SIMC1: variants seen among roughly 807,000 people sequenced by gnomAD.
SIMC1 encodes the protein SUMO-interacting motif-containing protein 1.
Under a neutral mutation model 82.3 loss-of-function variants are expected in SIMC1, and 55 were observed. The ratio of observed to expected loss-of-function variants is 0.67; its 90% CI spans 0.54 to 0.84. The LOEUF (loss-of-function observed/expected upper bound fraction) is 0.84. SIMC1 is among the 40% of genes least tolerant of loss of function. The pLI, the probability that SIMC1 is intolerant of heterozygous loss-of-function variation, is 0.00. For synonymous variants in SIMC1, 353 were observed against 426.3 expected, an observed-to-expected ratio of 0.83 and a Z score of 2.12; for missense variants, 915 against 1,107.2, an observed-to-expected ratio of 0.83 and a Z score of 2.46.
intron 1 of SIMC1, chr5:176,263,540 GA>G: frequency 1.4e-6 from 2 of 1,423,580 alleles, no homozygotes; most frequent in Non-Finnish European, 1.9e-6. Context: ...AGAGAAAAAA[GA>G]ACATTCATAT....
chr5:176,255,871 A>G (rs1193803379), intron 1 of SIMC1, among the ~76,000 whole-genome samples: 1 of 152,032 alleles, frequency 6.6e-6, no homozygotes, highest in African/African-American at 2.4e-5. Context: ...AGCTGGAGAA[A>G]AAAAGTTACA....
At chr5:176,306,725 AAGAGTC>A (rs571901562) in intron 4 of SIMC1, among the ~76,000 whole-genome samples, 109 of 151,652 alleles carry the variant, frequency 7.2e-4, no homozygotes, top group Non-Finnish European at 1.3e-3. Context: ...CATGCTCGTT[AAGAGTC>A]ATCACCAATC....
At chr5:176,252,831 G>A (rs916170050) in intron 1 of SIMC1, among the ~76,000 whole-genome samples, 16 of 152,188 alleles carry the variant, frequency 1.1e-4, no homozygotes, top group Admixed American at 1.0e-3. Context: ...TCATGCCACT[G>A]CACTCCAGCC....
At chr5:176,305,139 G>T (rs1269747792) in intron 4 of SIMC1, among the ~76,000 whole-genome samples, 6 of 125,764 alleles carry the variant, frequency 4.8e-5, no homozygotes, top group South Asian at 2.6e-4. Context: ...ATCCAGGAGG[G>T]GGGGGGGGTC....
At chr5:176,255,040 G>A (rs1761802494) in intron 1 of SIMC1, among the ~76,000 whole-genome samples, 2 of 151,914 alleles carry the variant, frequency 1.3e-5, no homozygotes, top group African/African-American at 4.8e-5. Flanking sequence ...ACTTTGGGAG[G>A]CCGAGGTGAG....
intron 1 of SIMC1, among the ~76,000 whole-genome samples, chr5:176,286,265 G>C (rs1192452853): frequency 1.8e-4 from 27 of 152,174 alleles, no homozygotes; most frequent in Non-Finnish European, 3.2e-4. Context: ...AACAAAACAG[G>C]ATGGTACTGG....
chr5:176,297,521 A>AT (rs751304274), intron 4 of SIMC1, among the ~76,000 whole-genome samples: 15 of 151,626 alleles, frequency 9.9e-5, no homozygotes, highest in African/African-American at 3.6e-4. Flanking sequence ...AAAAAAAAAA[A>AT]AAAAAACGTT....
chr5:176,315,389 G>C (rs1376501641), intron 5 of SIMC1, among the ~76,000 whole-genome samples: 1 of 152,104 alleles, frequency 6.6e-6, no homozygotes, highest in African/African-American at 2.4e-5. Context: ...CTGCCTCCAT[G>C]ACCCAAACAT....
intron 1 of SIMC1, among the ~76,000 whole-genome samples, chr5:176,248,591 C>A (rs951328766): frequency 1.3e-5 from 2 of 152,048 alleles, no homozygotes; most frequent in African/African-American, 4.8e-5. Context: ...ATTTGAATAC[C>A]CTTTATTTCT....
At chr5:176,275,571 C>T (rs1464220812) in intron 1 of SIMC1, among the ~76,000 whole-genome samples, 1 of 151,634 alleles carries the variant, frequency 6.6e-6, no homozygotes, top group Non-Finnish European at 1.5e-5. Context: ...GGGAATGCTT[C>T]CAGTTTTTGC....
At position 176,276,080 on chromosome 5, in the gene SIMC1, C is replaced by T. The variant is rs577725117; in HGVS notation, c.130-13574C>T. ...TCCTCCTTGTACCTCTGGTAGAATT[C>T]GGCTGTGAATCCATCTGATCCTGAA... On this transcript the variant is annotated intron_variant, in intron 1 of 9. Transcript: ENST00000429602. Among the ~76,000 whole-genome samples, 15 of 151,608 alleles carry T rather than the reference C, an allele frequency of 9.9e-5. 1 individual carries two copies. Among genetic ancestry groups the T allele is most frequent in the South Asian group, 4.2e-4 (2 of 4,818 alleles).
chr5:176,319,207 A>G (rs1175476143), intron 5 of SIMC1, among the ~76,000 whole-genome samples: 1 of 152,228 alleles, frequency 6.6e-6, no homozygotes, highest in Non-Finnish European at 1.5e-5. Context: ...CTTTTTGCCA[A>G]ATGTGCTTAT....
At chr5:176,345,137 TA>T in intron 9 of SIMC1, 45 bp from the exon 10 acceptor site, 1 of 1,567,114 alleles carries the variant, frequency 6.4e-7, no homozygotes, top group Non-Finnish European at 8.6e-7. Context: ...TAAAAAGAAT[TA>T]AAAAGCAGTT....
intron 4 of SIMC1, chr5:176,308,119 C>A: frequency 1.1e-6 from 1 of 896,188 alleles, no homozygotes; most frequent in Non-Finnish European, 1.8e-6. Context: ...CTGACACTTT[C>A]CTTGTTTGTC....
chr5:176,280,330 A>C (rs2113218981), intron 1 of SIMC1, among the ~76,000 whole-genome samples: 1 of 152,138 alleles, frequency 6.6e-6, no homozygotes, highest in Middle Eastern at 3.4e-3. Context: ...TTTGCTTGGT[A>C]GGTCTTCCTC....
chr5:176,338,550 A>C (rs1766001189), intron 9 of SIMC1, among the ~76,000 whole-genome samples: 1 of 152,206 alleles, frequency 6.6e-6, no homozygotes, highest in African/African-American at 2.4e-5. Flanking sequence ...TATTTTTGAT[A>C]ATCATACTGG....
chr5:176,313,478 TTATAAGG>T (rs1764757676), intron 4 of SIMC1: 1 of 1,550,716 alleles, frequency 6.4e-7, no homozygotes, highest in South Asian at 1.2e-5. Flanking sequence ...TTCTGAAACC[TTATAAGG>T]TATGATTTTT....
rs1164489391 is a variant in SIMC1 at position 176,318,202 on chromosome 5, A to G, written c.1890-4071A>G. Among the ~76,000 whole-genome samples, 3 of 152,194 alleles carry G rather than the reference A, an allele frequency of 2.0e-5. No individual in the cohort carries two copies. The East Asian group carries it at 5.8e-4, about 29-fold the overall frequency. The stretch of plus-strand genomic sequence containing the variant: ...TTGTGGGAGGGGACCAGTCAGAGGT[A>G]CTTTCAATTTTTCATCTGCCACGCA... On this transcript the variant is annotated intron_variant, in intron 5 of 9. Transcript: ENST00000429602.
At chr5:176,323,987 CAAAAAAAAAAAAAAAAAA>C (rs754656711) in intron 6 of SIMC1, among the ~76,000 whole-genome samples, 1 of 96,952 alleles carries the variant, frequency 1.0e-5, no homozygotes, top group African/African-American at 3.8e-5. Context: ...GACTCCATCT[CAAAAAAAAAAAAAAAAAA>C]AAAAAAAAAC....
Sources: gnomAD v4.1 joint callset for allele counts (sites outside exome capture counted in the v4.1 genomes callset) on GRCh38, gnomAD v4.1.1 for gene constraint, MANE v1.5 for transcripts, NCBI Gene and HGNC (gene_info 2026-07-23, HGNC 2026-07-21) for gene names.